ADAMTS5: variants seen among roughly 807,000 people sequenced by gnomAD.
The protein encoded by ADAMTS5 is A disintegrin and metalloproteinase with thrombospondin motifs 5.
A neutral mutation model predicts 81.4 loss-of-function variants in ADAMTS5; 54 were observed. That is an observed-to-expected ratio of 0.66 (90% CI 0.53 to 0.83). The LOEUF (loss-of-function observed/expected upper bound fraction) is 0.83. Ranked by LOEUF, ADAMTS5 falls within the 40% of genes least tolerant of loss-of-function variation. The pLI, the probability that ADAMTS5 is intolerant of heterozygous loss-of-function variation, is 0.00. For missense variants in ADAMTS5, 1,194 were observed against 1,229.9 expected, an observed-to-expected ratio of 0.97 and a Z score of 0.44; for synonymous variants, 532 against 508.8, an observed-to-expected ratio of 1.05 and a Z score of -0.61.
chr21:26,935,227 G>A (rs1026449563), intron 3 of ADAMTS5, among the ~76,000 whole-genome samples: 1 of 152,068 alleles, frequency 6.6e-6, no homozygotes, highest in Non-Finnish European at 1.5e-5. Flanking sequence ...CCTTCCCCAT[G>A]TGCCTATCAC....
rs982848773 is a variant in ADAMTS5, at chr21:26,966,071, C to G, written c.321G>C (p.Ser107=). The stretch of plus-strand genomic sequence containing the variant: ...CGGGCACGAAGCCAGCAATGCCCAC[C>G]GAACCATCTCGCTCCAGGTCCAAGA... ...RFLLDLERDG[S]VGIAGFVPAG... Residue 107 remains serine, a synonymous_variant, in exon 1 of 8, where the codon TCG becomes TCC. Transcript: ENST00000284987. The G allele has an allele frequency of 1.2e-6, 2 of 1,613,050 alleles. No homozygotes were observed. Among genetic ancestry groups the G allele is most frequent in the South Asian group, 2.2e-5 (2 of 91,084 alleles).
intron 1 of ADAMTS5, among the ~76,000 whole-genome samples, chr21:26,964,814 C>T (rs1987604819): frequency 6.6e-6 from 1 of 152,216 alleles, no homozygotes; most frequent in African/African-American, 2.4e-5. Context: ...GGTGTGGACA[C>T]TTACAAAAGA....
rs1189173912 is a variant in ADAMTS5 at position 26,921,776 on chromosome 21, A to C, written c.*2277T>G. The C allele has an allele frequency of 6.6e-6, 1 of 152,502 alleles. No individual in the cohort carries two copies. Among genetic ancestry groups the C allele is most frequent in the Non-Finnish European group, 1.5e-5 (1 of 67,946 alleles). The allele number at this position is 152,502 out of a possible 1,614,324, so 9.4% of individuals were successfully genotyped here. On this transcript the variant is annotated 3_prime_UTR_variant, in exon 8 of 8. Transcript: ENST00000284987. ...GTGGTTTAATTGCTCTGAGCTCTCT[A>C]GGATTGTTTCCATGACAGGTGTAAA...
chr21:26,952,260 C>T (rs760290445), intron 2 of ADAMTS5, among the ~76,000 whole-genome samples: 3 of 152,240 alleles, frequency 2.0e-5, no homozygotes, highest in African/African-American at 7.2e-5. Context: ...AGTTTTCATA[C>T]AGAAGCCCAC....
Position 26,922,034 on chromosome 21 carries a change from G to C in ADAMTS5, c.*2019C>G, listed in dbSNP as rs1452079235. ...ATTAACCTCTCTCCTAATTCTCTTT[G>C]CACAGACAAATGGCACTGGGATTAT... On this transcript the variant is annotated 3_prime_UTR_variant, in exon 8 of 8. Coordinates refer to ENST00000284987, the MANE Select transcript of ADAMTS5 (RefSeq NM_007038.5). The C allele has an allele frequency of 6.6e-6, 1 of 151,910 alleles. No individual in the cohort carries two copies. Among genetic ancestry groups the C allele is most frequent in the Non-Finnish European group, 1.5e-5 (1 of 67,896 alleles). 9.4% of individuals were successfully genotyped at this position (151,910 alleles called of 1,614,324 possible).
chr21:26,929,976 A>C lies in ADAMTS5; in HGVS notation c.2135T>G (p.Ile712Ser). The change falls in exon 7 of 8, where the codon ATT becomes AGT. Residue 712 changes from isoleucine (I) to serine (S), a missense_variant. Ile to Ser is a moderately radical substitution (Grantham distance 142, BLOSUM62 -2). Coordinates refer to ENST00000284987, the MANE Select transcript of ADAMTS5 (RefSeq NM_007038.5). ...CTTGTCATACTGCAGCTTTGAGCCA[A>C]TGATGCCGTCACAGCCAGTTCTCAC... ...KCVRTGCDGI[I>S]GSKLQYDKCG... 1 of 1,614,160 alleles carries C rather than the reference A, an allele frequency of 6.2e-7. No individual in the cohort carries two copies. Among genetic ancestry groups the C allele is most frequent in the Non-Finnish European group, 8.5e-7 (1 of 1,179,998 alleles).
At chr21:26,950,196 G>A (rs182441948) in intron 2 of ADAMTS5, among the ~76,000 whole-genome samples, 44 of 152,196 alleles carry the variant, frequency 2.9e-4, no homozygotes, top group African/African-American at 8.9e-4. Context: ...GCAAAGCTTC[G>A]GCATGTTTGC....
intron 3 of ADAMTS5, among the ~76,000 whole-genome samples, chr21:26,937,205 C>T (rs1217408818): frequency 4.1e-5 from 1 of 24,396 alleles, no homozygotes; most frequent in African/African-American, 1.4e-4. Context: ...ACGTGTAATG[C>T]AATTTGAAAT....
chr21:26,965,646 C>A lies in ADAMTS5; in HGVS notation c.746G>T (p.Gly249Val). Residue 249 changes from glycine to valine, a missense_variant, in exon 1 of 8, where the codon GGC (glycine) becomes GTC (valine). Physicochemically the swap from Gly to Val is moderately radical, Grantham distance 109. Around this residue, in one of 2 missense-constraint regions of ADAMTS5, gnomAD observed 498 missense variants for 412.3 expected, o/e 1.21. Coordinates refer to ENST00000284987, the MANE Select transcript of ADAMTS5 (RefSeq NM_007038.5). Reference protein sequence around the residue: ...LDQSALSPAGGSGPQTWWRRR... With the variant: ...LDQSALSPAGVSGPQTWWRRR... ...CCGCCACCACGTCTGCGGTCCTGAG[C>A]CCCCAGCGGGCGAGAGAGCGGACTG... 6.3e-7 allele frequency: 1 copy of A among 1,594,994 alleles called. No homozygotes were observed. The highest frequency in any genetic ancestry group is 8.5e-7 in the Non-Finnish European group (1 of 1,173,116).
intron 1 of ADAMTS5, among the ~76,000 whole-genome samples, chr21:26,961,958 C>T (rs1294644807): frequency 6.6e-6 from 1 of 152,130 alleles, no homozygotes; most frequent in Non-Finnish European, 1.5e-5. Flanking sequence ...GAGACCCGGT[C>T]CCAGCAATCT....
Position 26,964,951 on chromosome 21 carries a change from C to G in ADAMTS5, c.1104+337G>C, listed in dbSNP as rs557914064. ...TGATCCCAAAGGCAACTTTGTTTTC[C>G]TTCCTTTTCCCCATTTAACTGTATC... On this transcript the variant is annotated intron_variant, in intron 1 of 7. Coordinates refer to ENST00000284987, the MANE Select transcript of ADAMTS5 (RefSeq NM_007038.5). Among the ~76,000 whole-genome samples the G allele has an allele frequency of 1.1e-3, 162 of 152,248 alleles. 2 individuals are homozygous for G. The highest frequency in any genetic ancestry group is 3.1e-3 in the African/African-American group (127 of 41,536).
At chr21:26,931,460 G>C (rs1986905211) in intron 6 of ADAMTS5, among the ~76,000 whole-genome samples, 1 of 152,084 alleles carries the variant, frequency 6.6e-6, no homozygotes, top group Non-Finnish European at 1.5e-5. Context: ...GAAAAATAAG[G>C]CATGTTCCAT....
At chr21:26,944,997 A>G (rs566651865) in intron 2 of ADAMTS5, among the ~76,000 whole-genome samples, 41 of 152,274 alleles carry the variant, frequency 2.7e-4, no homozygotes, top group Non-Finnish European at 4.6e-4. Context: ...AAGTTCTCCC[A>G]CCACCACTTA....
Position 26,934,502 on chromosome 21 carries a change from G to T in ADAMTS5, c.1653C>A (p.Gly551=). The change falls in exon 4 of 8, where the codon GGC becomes GGA. Residue 551 remains glycine (G), a synonymous_variant. Transcript: ENST00000284987. ...PCGKGRICLQ[G]KCVDKTKKKY... ...TTTTCTTGGTTTTGTCCACACATTT[G>T]CCCTGCAGGCAGATTCTCCCCTTTC... 2 of 1,614,146 alleles carry T rather than the reference G, an allele frequency of 1.2e-6. No individual in the cohort carries two copies. The highest frequency in any genetic ancestry group is 2.2e-5 in the East Asian group (1 of 44,872).
chr21:26,962,115 GT>G (rs1222869325), intron 1 of ADAMTS5, among the ~76,000 whole-genome samples: 4 of 150,524 alleles, frequency 2.7e-5, no homozygotes, highest in African/African-American at 9.7e-5. Flanking sequence ...AAAGAGTAAG[GT>G]TTTTGCTGCT....
intron 1 of ADAMTS5, among the ~76,000 whole-genome samples, chr21:26,957,334 T>A (rs1413273843): frequency 6.6e-6 from 1 of 152,176 alleles, no homozygotes; most frequent in Non-Finnish European, 1.5e-5. Context: ...GGCAATAGTA[T>A]ATGTGTATAT....
rs557621661 is a variant in ADAMTS5 at position 26,923,942 on chromosome 21, C to T, written c.*111G>A. On this transcript the variant is annotated 3_prime_UTR_variant, in exon 8 of 8. Transcript: ENST00000284987. ...CTGCCCATAATTGGACTCCTGTTGA[C>T]AATGTCACTGAAGCATGACTTTCTG... 17 of 1,164,452 alleles carry T rather than the reference C, an allele frequency of 1.5e-5. No individual in the cohort carries two copies. The South Asian group carries it at 2.6e-4, about 18-fold the overall frequency. The allele number at this position is 1,164,452 out of a possible 1,614,324, so 72.1% of individuals were successfully genotyped here. A position where few individuals can be genotyped will look rare whatever the true frequency, so the allele number is the denominator to read the frequency against.
Position 26,933,035 on chromosome 21 carries a change from G to A in ADAMTS5, c.1699C>T (p.His567Tyr). The change falls in exon 5 of 8, where the codon CAT (histidine) becomes TAT (tyrosine). Residue 567 changes from histidine (H) to tyrosine (Y), a missense_variant. Physicochemically the swap from His to Tyr is moderately conservative, Grantham distance 83 (BLOSUM62 2). Around this residue, in one of 2 missense-constraint regions of ADAMTS5, gnomAD observed 696 missense variants for 817.6 expected, o/e 0.85. Coordinates refer to ENST00000284987, the MANE Select transcript of ADAMTS5 (RefSeq NM_007038.5). ...GATCCCCAAGATCCCCAGTTGCCAT[G>A]GCTTGACGTCTGAAATAGAGAATAG... ...TKKKYYSTSS[H>Y]GNWGSWGSWG... is the part of the protein sequence containing the mutation. 1 of 1,612,472 alleles carries A rather than the reference G, an allele frequency of 6.2e-7. No homozygotes were observed. The highest frequency in any genetic ancestry group is 8.5e-7 in the Non-Finnish European group (1 of 1,179,528).
intron 2 of ADAMTS5, among the ~76,000 whole-genome samples, chr21:26,952,415 T>A (rs951039098): frequency 2.6e-5 from 4 of 152,222 alleles, no homozygotes; most frequent in Non-Finnish European, 5.9e-5. Context: ...TTCCTGCCTC[T>A]CAGACTGCTG....
Sources: gnomAD v4.1 joint callset for allele counts (sites outside exome capture counted in the v4.1 genomes callset) on GRCh38, gnomAD v4.1.1 for gene constraint, gnomAD v4.1.1 regional missense constraint, MANE v1.5 for transcripts, NCBI Gene and HGNC (gene_info 2026-07-23, HGNC 2026-07-21) for gene names.